Variants in DMGDH observed in about 807,000 individuals in gnomAD.
The protein encoded by DMGDH is dimethylglycine dehydrogenase.
In DMGDH, 76 loss-of-function variants were observed where a neutral mutation model predicts 95.2. The ratio of observed to expected loss-of-function variants is 0.80; its 90% CI spans 0.66 to 0.97. The LOEUF is 0.97. Among genes scored for constraint, DMGDH ranks in the 50% least tolerant of loss-of-function variants. The pLI is 0.00. For missense variants in DMGDH, 987 were observed against 1,055.0 expected, an observed-to-expected ratio of 0.94 and a Z score of 0.89; for synonymous variants, 345 against 377.6, an observed-to-expected ratio of 0.91 and a Z score of 1.00.
chr5:79,038,803 A>C (rs1222982908), intron 7 of DMGDH, among the ~76,000 whole-genome samples: 1 of 152,260 alleles, frequency 6.6e-6, no homozygotes, highest in East Asian at 1.9e-4. Flanking sequence ...CTTTCAGTCT[A>C]CTCATCTGAC....
chr5:79,042,987 C>T (rs527928528), intron 6 of DMGDH, among the ~76,000 whole-genome samples: 22 of 152,294 alleles, frequency 1.4e-4, no homozygotes, highest in Non-Finnish European at 2.2e-4. Context: ...GTGTGGAGGC[C>T]TCCTTCCTCC....
intron 14 of DMGDH, among the ~76,000 whole-genome samples, chr5:79,015,401 C>T (rs1753712927): frequency 6.6e-6 from 1 of 152,200 alleles, no homozygotes; most frequent in African/African-American, 2.4e-5. Flanking sequence ...TGTTTCCCAT[C>T]ACTAGAGTGT....
intron 5 of DMGDH, among the ~76,000 whole-genome samples, chr5:79,045,794 T>A (rs981751168): frequency 8.5e-5 from 13 of 152,160 alleles, no homozygotes; most frequent in Admixed American, 2.6e-4. Context: ...TTTTTCTGAA[T>A]CTAATAAGGA....
intron 5 of DMGDH, among the ~76,000 whole-genome samples, chr5:79,047,617 C>T (rs1304317481): frequency 6.6e-6 from 1 of 152,054 alleles, no homozygotes; most frequent in African/African-American, 2.4e-5. Context: ...CTGAGCTGTA[C>T]CTGAGGGAAA....
chr5:79,069,539 A>T lies in DMGDH; in HGVS notation c.82T>A (p.Ser28Thr). The change falls in exon 1 of 16, where the codon TCT becomes ACT. Residue 28 changes from serine to threonine, a missense_variant. Ser to Thr is a moderately conservative substitution (Grantham distance 58). Coordinates refer to ENST00000255189, the MANE Select transcript of DMGDH (RefSeq NM_013391.3). ...PLQGSPGRPR[S>T]VCGREGEEKP... Reference sequence around the variant, plus strand: ...ACTCACCCTTCCCGGCCGCAGACAGAGCGCGGGCGCCCGGGGGAGCCCTGC... The same window carrying T: ...ACTCACCCTTCCCGGCCGCAGACAGTGCGCGGGCGCCCGGGGGAGCCCTGC... The T allele has an allele frequency of 7.6e-7, 1 of 1,312,162 alleles. No individual in the cohort carries two copies. Among genetic ancestry groups the T allele is most frequent in the South Asian group, 2.2e-5 (1 of 44,880 alleles). 81.3% of individuals were successfully genotyped at this position (1,312,162 alleles called of 1,614,324 possible).
chr5:79,028,741 A>G, intron 11 of DMGDH, 91 bp from the exon 12 acceptor site: 1 of 1,399,092 alleles, frequency 7.1e-7, no homozygotes, highest in Non-Finnish European at 1.0e-6. Context: ...CTTTGTGTCT[A>G]GAGTTATCAG....
At chr5:79,069,437 C>T in intron 1 of DMGDH, 83 bp downstream of exon 1, 1 of 808,364 alleles carries the variant, frequency 1.2e-6, no homozygotes, top group Non-Finnish European at 1.7e-6. Flanking sequence ...CAGAGCGCTC[C>T]TAACCCCTGA....
chr5:79,009,214 T>C (rs1446793569), intron 14 of DMGDH, among the ~76,000 whole-genome samples: 2 of 152,196 alleles, frequency 1.3e-5, no homozygotes, highest in Admixed American at 6.5e-5. Context: ...TTGATATCTG[T>C]ATTTGTATAT....
intron 3 of DMGDH, among the ~76,000 whole-genome samples, chr5:79,054,869 A>G (rs1235409550): frequency 6.6e-6 from 1 of 152,240 alleles, no homozygotes; most frequent in Non-Finnish European, 1.5e-5. Flanking sequence ...CCTTGCCCTC[A>G]AGTTACTTGT....
intron 14 of DMGDH, among the ~76,000 whole-genome samples, chr5:79,015,770 A>G (rs1753721310): frequency 6.6e-6 from 1 of 152,212 alleles, no homozygotes; most frequent in Non-Finnish European, 1.5e-5. Flanking sequence ...AGTAAAATCC[A>G]ATGATGTTTT....
chr5:79,049,209 G>T (rs1754765839), intron 5 of DMGDH, among the ~76,000 whole-genome samples: 1 of 152,144 alleles, frequency 6.6e-6, no homozygotes, highest in African/African-American at 2.4e-5. Flanking sequence ...GTTTAGGTCA[G>T]ATCTCTTTGG....
In DMGDH at chr5:79,043,421, C is replaced by A. The variant is rs561281034; in HGVS notation, c.994+883G>T. Among the ~76,000 whole-genome samples, 86 of 152,318 alleles carry A rather than the reference C, an allele frequency of 5.6e-4. 3 individuals are homozygous for A. In the South Asian group the frequency reaches 0.016, roughly 29 times the overall value. The stretch of plus-strand genomic sequence containing the variant: ...TCTGCTCAGGCCCAAATGTGCAGAG[C>A]CCACTCAGCACAACCAAAGCCCTGA... On this transcript the variant is annotated intron_variant, in intron 6 of 15. Coordinates refer to ENST00000255189, the MANE Select transcript of DMGDH (RefSeq NM_013391.3).
intron 15 of DMGDH, chr5:79,000,973 A>T: frequency 1.4e-6 from 1 of 696,768 alleles, no homozygotes; most frequent in Non-Finnish European, 2.6e-6. Flanking sequence ...CAAAGTGTCC[A>T]TTTGGGGTCA....
At chr5:79,060,381 G>A (rs567747371) in intron 2 of DMGDH, among the ~76,000 whole-genome samples, 2 of 152,306 alleles carry the variant, frequency 1.3e-5, no homozygotes, top group South Asian at 4.1e-4. Context: ...TATATCATGA[G>A]CTGACAAAGC....
At chr5:79,050,023 G>A (rs960086073) in intron 5 of DMGDH, among the ~76,000 whole-genome samples, 17 of 151,790 alleles carry the variant, frequency 1.1e-4, no homozygotes, top group African/African-American at 1.9e-4. Context: ...TTGGGAGGCC[G>A]AGGCGGGTAG....
At chr5:79,031,885 C>T (rs1754186726) in intron 9 of DMGDH, among the ~76,000 whole-genome samples, 1 of 152,164 alleles carries the variant, frequency 6.6e-6, no homozygotes. Context: ...CAGTATTTGG[C>T]CACCAAATAA....
At chr5:79,065,866 G>A (rs1423597491) in intron 1 of DMGDH, among the ~76,000 whole-genome samples, 6 of 151,942 alleles carry the variant, frequency 3.9e-5, no homozygotes, top group African/African-American at 9.7e-5. Context: ...ATAATCTTAC[G>A]GGACCACCAT....
chr5:79,054,098 T>C, intron 4 of DMGDH, 86 bp downstream of exon 4: 1 of 1,481,950 alleles, frequency 6.7e-7, no homozygotes, highest in Non-Finnish European at 9.3e-7. Flanking sequence ...GTGTACCAAG[T>C]TTTCTGTTTT....
chr5:79,044,403 A>C lies in DMGDH; in HGVS notation c.895T>G (p.Tyr299Asp). Reference protein sequence around the residue: ...PVLRDLEGSYYLRQERDGLLF... With the variant: ...PVLRDLEGSYDLRQERDGLLF... ...AGCCCATCCCTTTCCTGTCGGAGAT[A>C]ATATGATCCTTCCAGGTCACGGAGC... is the stretch of plus-strand genomic sequence containing the variant. Residue 299 changes from tyrosine to aspartate, a missense_variant, in exon 6 of 16, where the codon TAT (tyrosine) becomes GAT (aspartate). Transcript: ENST00000255189. 2 of 1,614,220 alleles carry C rather than the reference A, an allele frequency of 1.2e-6. No individual in the cohort carries two copies. The highest frequency in any genetic ancestry group is 1.7e-6 in the Non-Finnish European group (2 of 1,180,030).
Sources: gnomAD v4.1 joint callset for allele counts (sites outside exome capture counted in the v4.1 genomes callset) on GRCh38, gnomAD v4.1.1 for gene constraint, MANE v1.5 for transcripts, NCBI Gene and HGNC (gene_info 2026-07-23, HGNC 2026-07-21) for gene names.